Variants in TRPM7 observed in about 807,000 individuals in gnomAD.
TRPM7 encodes the protein transient receptor potential cation channel subfamily M member 7, also known as LTRPC ion channel family member 7.
Under a neutral mutation model 229.7 loss-of-function variants are expected in TRPM7, and 134 were observed. That is an observed-to-expected ratio of 0.58 (90% CI 0.51 to 0.67). The LOEUF (loss-of-function observed/expected upper bound fraction) is 0.67, where lower values mean the gene tolerates loss of function less well. Ranked by LOEUF, TRPM7 falls within the 30% of genes least tolerant of loss-of-function variation. The pLI is 0.00. For missense variants in TRPM7, 1,901 were observed against 2,210.0 expected (o/e 0.86, Z 2.80); for synonymous variants, 699 against 715.2 (o/e 0.98, Z 0.36).
At chr15:50,684,960 A>G (rs1259392087) in intron 1 of TRPM7, among the ~76,000 whole-genome samples, 1 of 152,206 alleles carries the variant, frequency 6.6e-6, no homozygotes, top group Non-Finnish European at 1.5e-5. Flanking sequence ...TTTAGGCATG[A>G]TAATAATATT....
At chr15:50,662,253 T>A (rs1297733216) in intron 2 of TRPM7, among the ~76,000 whole-genome samples, 1 of 150,700 alleles carries the variant, frequency 6.6e-6, no homozygotes, top group Non-Finnish European at 1.5e-5. Flanking sequence ...CTCGGGAGGC[T>A]GAGGCAAGAG....
chr15:50,633,016 C>T (rs745381897), intron 8 of TRPM7, 24 bp from the exon 9 acceptor site: 6 of 1,568,786 alleles, frequency 3.8e-6, no homozygotes, highest in Non-Finnish European at 5.2e-6. Context: ...AAACATAATT[C>T]ACTGATTTCA....
rs1338508896 is a variant in TRPM7 at position 50,574,994 on chromosome 15, G to A, written c.4877C>T (p.Ala1626Val). 2 of 1,613,972 alleles carry A rather than the reference G, an allele frequency of 1.2e-6. No homozygotes were observed. Among genetic ancestry groups the A allele is most frequent in the Non-Finnish European group, 8.5e-7 (1 of 1,180,014 alleles). Reference protein sequence around the residue: ...KEEMGGGLRRAVKVQCTWSEH... With the variant: ...KEEMGGGLRRVVKVQCTWSEH... ...TGACCAGGTACACTGTACTTTGACAGCTCTTCGTAAACCTCCTCCCATCTC... is the reference window on the plus strand; with the variant it reads ...TGACCAGGTACACTGTACTTTGACAACTCTTCGTAAACCTCCTCCCATCTC... The change falls in exon 34 of 39, where the codon GCT becomes GTT. Residue 1626 changes from alanine (A) to valine (V), a missense_variant. Coordinates refer to ENST00000646667, the MANE Select transcript of TRPM7 (RefSeq NM_017672.6).
At chr15:50,566,994 T>C (rs1283652044) in intron 38 of TRPM7, among the ~76,000 whole-genome samples, 8 of 151,510 alleles carry the variant, frequency 5.3e-5, no homozygotes, top group African/African-American at 1.7e-4. Context: ...ATTAAAAAGA[T>C]AGTAAGGTAA....
At chr15:50,684,833 G>A (rs75484982) in intron 1 of TRPM7, among the ~76,000 whole-genome samples, 4,444 of 152,172 alleles carry the variant, frequency 0.029, 236 homozygotes, top group African/African-American at 0.1. Context: ...AAGAGTTACC[G>A]ACCAAATGCT....
At chr15:50,663,926 G>A (rs1332382005) in intron 1 of TRPM7, among the ~76,000 whole-genome samples, 6 of 152,056 alleles carry the variant, frequency 3.9e-5, no homozygotes, top group African/African-American at 1.4e-4. Context: ...TCAGGCCACT[G>A]CACTCCAGCC....
In TRPM7 at chr15:50,623,463, C is replaced by T. The variant is rs552279609; in HGVS notation, c.1440+703G>A. Among the ~76,000 whole-genome samples the T allele has an allele frequency of 2.4e-4, 36 of 149,474 alleles. 1 individual carries two copies. In the South Asian group the frequency reaches 7.4e-3, roughly 31 times the overall value. On this transcript the variant is annotated intron_variant, in intron 12 of 38. Coordinates refer to ENST00000646667, the MANE Select transcript of TRPM7 (RefSeq NM_017672.6). ...GTATTTTTAGTAAATAGTAGGTAGACATTTACCATCTTATTGCTGCCCCGC... is the reference window on the plus strand; with the variant it reads ...GTATTTTTAGTAAATAGTAGGTAGATATTTACCATCTTATTGCTGCCCCGC...
intron 1 of TRPM7, among the ~76,000 whole-genome samples, chr15:50,669,280 A>T (rs1283284243): frequency 6.7e-6 from 1 of 148,756 alleles, no homozygotes; most frequent in Admixed American, 6.6e-5. Flanking sequence ...CTAAAAATAC[A>T]AAAAATTAGC....
At chr15:50,586,528 A>C (rs1311471017) in intron 27 of TRPM7, 40 bp from the exon 28 acceptor site, 1 of 1,394,876 alleles carries the variant, frequency 7.2e-7, no homozygotes, top group South Asian at 1.2e-5. Context: ...AAAATAATTG[A>C]ACTAAATTTC....
intron 4 of TRPM7, among the ~76,000 whole-genome samples, chr15:50,647,030 T>C (rs567617465): frequency 1.5e-4 from 23 of 152,344 alleles, no homozygotes; most frequent in South Asian, 4.1e-4. Flanking sequence ...CATGATGAAA[T>C]TGCCTAACAC....
chr15:50,665,782 G>A (rs1234257041), intron 1 of TRPM7, among the ~76,000 whole-genome samples: 1 of 152,060 alleles, frequency 6.6e-6, no homozygotes, highest in Non-Finnish European at 1.5e-5. Context: ...ATCACTTGAG[G>A]TCAGGAGCTC....
At chr15:50,686,480 C>A in intron 1 of TRPM7, 51 bp downstream of exon 1, 2 of 1,614,122 alleles carry the variant, frequency 1.2e-6, no homozygotes, top group Non-Finnish European at 1.7e-6. Flanking sequence ...TCTCCTTTAC[C>A]GCCCGCAACC....
At chr15:50,640,885 G>A (rs527768650) in intron 5 of TRPM7, among the ~76,000 whole-genome samples, 1 of 152,282 alleles carries the variant, frequency 6.6e-6, no homozygotes, top group Non-Finnish European at 1.5e-5. Context: ...AAGCCAAAGA[G>A]AGAGGCCCCA....
chr15:50,590,220 G>A (rs1195842520), intron 26 of TRPM7, among the ~76,000 whole-genome samples: 1 of 151,510 alleles, frequency 6.6e-6, no homozygotes, highest in African/African-American at 2.4e-5. Flanking sequence ...ACCAACATGT[G>A]ATATGAATAA....
intron 24 of TRPM7, 69 bp downstream of exon 24, chr15:50,594,358 AAT>A (rs1161524695): frequency 1.5e-6 from 2 of 1,333,254 alleles, no homozygotes; most frequent in African/African-American, 3.0e-5. Flanking sequence ...GAATAAAATC[AAT>A]ATATAGCCTT....
At chr15:50,643,114 C>T (rs1199530298) in intron 5 of TRPM7, among the ~76,000 whole-genome samples, 1 of 151,958 alleles carries the variant, frequency 6.6e-6, no homozygotes, top group Non-Finnish European at 1.5e-5. Flanking sequence ...TATGGTGAAA[C>T]CTCGTCTCTA....
rs2053200430 is a variant in TRPM7, at chr15:50,558,411, A to AC, written c.*3266dup. ...ATATATTTAAAATTAGTTGGGTGTT[A>AC]CCCAGGCATGGTGGCTCACACCTAT... is the stretch of plus-strand genomic sequence containing the variant. On this transcript the variant is annotated 3_prime_UTR_variant, in exon 39 of 39. Coordinates refer to ENST00000646667, the MANE Select transcript of TRPM7 (RefSeq NM_017672.6). The AC allele has an allele frequency of 6.6e-6, 1 of 152,070 alleles. No homozygotes were observed. The highest frequency in any genetic ancestry group is 1.5e-5 in the Non-Finnish European group (1 of 68,028). 9.4% of individuals were successfully genotyped at this position (152,070 alleles called of 1,614,324 possible). A position where few individuals can be genotyped will look rare whatever the true frequency, so the allele number is the denominator to read the frequency against.
chr15:50,560,227 C>T lies in TRPM7; in HGVS notation c.*1451G>A, dbSNP rs1173324351. 1 of 152,380 alleles carries T rather than the reference C, an allele frequency of 6.6e-6. No individual in the cohort carries two copies. Among genetic ancestry groups the T allele is most frequent in the Admixed American group, 6.6e-5 (1 of 15,256 alleles). The allele number at this position is 152,380 out of a possible 1,614,324, so 9.4% of individuals were successfully genotyped here. A position where few individuals can be genotyped will look rare whatever the true frequency, so the allele number is the denominator to read the frequency against. On this transcript the variant is annotated 3_prime_UTR_variant, in exon 39 of 39. Coordinates refer to ENST00000646667, the MANE Select transcript of TRPM7 (RefSeq NM_017672.6). ...TATACAAATGGTTCATTTAAAAAAACTGATACTCAAATTGACACCCTGAAA... is the reference window on the plus strand; with the variant it reads ...TATACAAATGGTTCATTTAAAAAAATTGATACTCAAATTGACACCCTGAAA...
chr15:50,686,518 G>T lies in TRPM7; in HGVS notation c.3+13C>A. On this transcript the variant is annotated intron_variant, in intron 1 of 38. Transcript: ENST00000646667. Reference sequence around the variant, plus strand: ...AGAACCATTCCCCGCCCGGGCCTGCGTGGGTCCAGTACCATTCTCCTCACG... The same window carrying T: ...AGAACCATTCCCCGCCCGGGCCTGCTTGGGTCCAGTACCATTCTCCTCACG... 1 of 1,613,812 alleles carries T rather than the reference G, an allele frequency of 6.2e-7. No individual in the cohort carries two copies. Among genetic ancestry groups the T allele is most frequent in the Non-Finnish European group, 8.5e-7 (1 of 1,179,866 alleles).
Sources: gnomAD v4.1 joint callset for allele counts (sites outside exome capture counted in the v4.1 genomes callset) on GRCh38, gnomAD v4.1.1 for gene constraint, MANE v1.5 for transcripts, NCBI Gene and HGNC (gene_info 2026-07-23, HGNC 2026-07-21) for gene names.